DHX8: variants seen among roughly 807,000 people sequenced by gnomAD.
The protein encoded by DHX8 is DEAH-box helicase 8.
In DHX8, 67 loss-of-function variants were observed where a neutral mutation model predicts 140.7. The observed-to-expected ratio is 0.48, with a 90% CI of 0.39 to 0.58. The LOEUF (loss-of-function observed/expected upper bound fraction) is 0.58. DHX8 is among the 20% of genes least tolerant of loss of function. The probability of loss-of-function intolerance (pLI) is 0.00; values close to 1 mark genes in which losing one functional copy is unlikely to be tolerated. For missense variants in DHX8, 887 were observed against 1,550.7 expected, an observed-to-expected ratio of 0.57 and a Z score of 7.19; for synonymous variants, 533 against 553.2, an observed-to-expected ratio of 0.96 and a Z score of 0.51.
chr17:43,513,709 CTTTTT>C, intron 17 of DHX8, among the ~76,000 whole-genome samples: 1 of 105,940 alleles, frequency 9.4e-6, no homozygotes, highest in East Asian at 3.1e-4. Context: ...AGTTTTTAAT[CTTTTT>C]TTTTTTTTTT....
At chr17:43,541,179 C>G (rs573479755) in intron 3 of DHX8, among the ~76,000 whole-genome samples, 2 of 152,326 alleles carry the variant, frequency 1.3e-5, no homozygotes, top group Non-Finnish European at 2.9e-5. Context: ...AGCCCCTCCC[C>G]CAAACACTGG....
downstream of DHX8, among the ~76,000 whole-genome samples, chr17:43,527,268 A>G (rs1291342528): frequency 3.3e-5 from 5 of 152,192 alleles, no homozygotes; most frequent in African/African-American, 1.2e-4. Context: ...ACTGGCCAGA[A>G]TCCAGGGCCT....
At chr17:43,511,851 C>CAAAAA (rs1210970204) in intron 16 of DHX8, among the ~76,000 whole-genome samples, 1 of 68,008 alleles carries the variant, frequency 1.5e-5, no homozygotes, top group African/African-American at 6.3e-5. Context: ...CCTATCTCTA[C>CAAAAA]AAAAAAAAAA....
intron 13 of DHX8, 72 bp from the exon 14 acceptor site, chr17:43,507,431 C>T: frequency 7.0e-7 from 1 of 1,421,582 alleles, no homozygotes; most frequent in Non-Finnish European, 9.6e-7. Flanking sequence ...AGTGACTGGG[C>T]TGAAATCTTG....
At chr17:43,511,169 A>C (rs1969803046) in intron 16 of DHX8, among the ~76,000 whole-genome samples, 1 of 152,066 alleles carries the variant, frequency 6.6e-6, no homozygotes, top group East Asian at 1.9e-4. Context: ...GTCTCTACTA[A>C]AAATACAAAA....
At chr17:43,528,717 C>G (rs1420678351), downstream of DHX8, 1 of 1,614,148 alleles carries the variant, frequency 6.2e-7, no homozygotes, top group African/African-American at 1.3e-5. Context: ...CACACACAAA[C>G]TTGTACACGT....
chr17:43,534,101 C>G, intron 2 of DHX8: 2 of 1,142,700 alleles, frequency 1.8e-6, no homozygotes, highest in Non-Finnish European at 2.3e-6. Context: ...AGCCTCCTTC[C>G]CTCTCTGGGT....
At position 43,490,381 on chromosome 17, in the gene DHX8, C is replaced by A. The variant is rs57907285; in HGVS notation, c.235-10C>A. 2.0e-4 allele frequency: 325 copies of A among 1,611,326 alleles called. 2 individuals carry two copies. The African/African-American group carries it at 3.7e-3, about 18-fold the overall frequency. On this transcript the variant is annotated splice_polypyrimidine_tract_variant and intron_variant, in intron 2 of 22. Transcript: ENST00000262415. Reference sequence around the variant, plus strand: ...AGCTGACAATTTTCGTTCTATGTTTCTTTTCAAAGGATTCTCTTATTAGTA... The same window carrying A: ...AGCTGACAATTTTCGTTCTATGTTTATTTTCAAAGGATTCTCTTATTAGTA...
At chr17:43,505,246 A>T (rs551437656) in intron 12 of DHX8, among the ~76,000 whole-genome samples, 1 of 152,192 alleles carries the variant, frequency 6.6e-6, no homozygotes, top group African/African-American at 2.4e-5. Flanking sequence ...TGTCTCTACT[A>T]AAAATACAAA....
chr17:43,513,700 GTTTTTAATCTTTTTTTTTTTTTTTTT>G (rs1969964826), intron 17 of DHX8, among the ~76,000 whole-genome samples, 198 bp downstream of exon 17: 1 of 133,470 alleles, frequency 7.5e-6, no homozygotes, highest in Non-Finnish European at 1.6e-5. Context: ...GATCCTTGAA[GTTTTTAATCTTTTTTTTTTTTTTTTT>G]TTTTGAGACT....
chr17:43,535,121 G>A (rs1186098561), intron 2 of DHX8, among the ~76,000 whole-genome samples: 1 of 152,198 alleles, frequency 6.6e-6, no homozygotes, highest in Non-Finnish European at 1.5e-5. Context: ...CAAAGAGTTG[G>A]TTCCAAGCCG....
intron 9 of DHX8, among the ~76,000 whole-genome samples, chr17:43,496,954 T>C (rs1324134425): frequency 6.6e-6 from 1 of 152,156 alleles, no homozygotes. Flanking sequence ...TATGAAATCT[T>C]ATGATAGAAT....
chr17:43,511,759 A>G (rs944026348), intron 16 of DHX8, among the ~76,000 whole-genome samples: 1 of 150,154 alleles, frequency 6.7e-6, no homozygotes, highest in African/African-American at 2.5e-5. Context: ...CGCCTGGCAG[A>G]TCCCAGCATT....
chr17:43,494,803 T>C (rs1968757215), intron 8 of DHX8, among the ~76,000 whole-genome samples: 1 of 147,792 alleles, frequency 6.8e-6, no homozygotes. Context: ...TCTTTTGTTT[T>C]CTTTCCTTTT....
chr17:43,529,969 G>A (rs764041956), downstream of DHX8: 6 of 1,614,116 alleles, frequency 3.7e-6, no homozygotes, highest in South Asian at 5.5e-5. Context: ...GAGGAAATTG[G>A]GGGTTGCTCA....
intron 2 of DHX8, chr17:43,532,828 G>T: frequency 6.2e-7 from 1 of 1,614,022 alleles, no homozygotes; most frequent in Non-Finnish European, 8.5e-7. Flanking sequence ...GCTGGGGATA[G>T]GGTGGGCAGG....
At chr17:43,540,208 T>C (rs542109048) in intron 3 of DHX8, among the ~76,000 whole-genome samples, 1 of 152,074 alleles carries the variant, frequency 6.6e-6, no homozygotes, top group African/African-American at 2.4e-5. Flanking sequence ...ATCCCAGCAC[T>C]TTGGGAGGCT....
chr17:43,513,190 G>A (rs946960307), intron 16 of DHX8, among the ~76,000 whole-genome samples, 172 bp from the exon 17 acceptor site: 2 of 152,166 alleles, frequency 1.3e-5, no homozygotes, highest in Non-Finnish European at 1.5e-5. Context: ...TAAGCAGAAG[G>A]TACCTCCCTT....
chr17:43,528,521 A>C (rs775984025), downstream of DHX8: 4 of 1,603,244 alleles, frequency 2.5e-6, no homozygotes, highest in South Asian at 3.3e-5. Flanking sequence ...GCTGGGGGCT[A>C]GTAAGAGTAG....
Sources: allele counts gnomAD v4.1 joint callset (sites outside exome capture counted in the v4.1 genomes callset), GRCh38; gene constraint gnomAD v4.1.1; transcripts MANE v1.5; gene names NCBI Gene and HGNC (gene_info 2026-07-23, HGNC 2026-07-21).